The following TBC1D32 variants were observed in gnomAD, a reference collection of about 807,000 sequenced individuals.
The protein encoded by TBC1D32 is TBC1 domain family member 32, also known as protein broad-minded.
A neutral mutation model predicts 170.3 loss-of-function variants in TBC1D32; 151 were observed. That is an observed-to-expected ratio of 0.89 (90% CI 0.78 to 1.01). The LOEUF (loss-of-function observed/expected upper bound fraction) is 1.01, where lower values mean the gene tolerates loss of function less well. Among genes scored for constraint, TBC1D32 ranks in the 50% least tolerant of loss-of-function variants. The pLI, the probability that TBC1D32 is intolerant of heterozygous loss-of-function variation, is 0.00. For missense variants in TBC1D32, 1,464 were observed against 1,457.1 expected (o/e 1.00, Z -0.08); for synonymous variants, 498 against 488.0 (o/e 1.02, Z -0.27).
rs757650575 is a variant in TBC1D32, at chr6:121,161,013, G to A, written c.2614C>T (p.Leu872Phe). ...CCACCAACAAGATTTATTCTAACAA[G>A]AACATGATTTCTCTCCACTGATAAG... The part of the protein sequence containing the change: ...DGLSVERNHV[L>F]VRINLVGGPL... The change falls in exon 23 of 32, where the codon CTT (leucine) becomes TTT (phenylalanine). Residue 872 changes from leucine (L) to phenylalanine (F), a missense_variant. Around this residue, in one of 3 missense-constraint regions of TBC1D32, gnomAD observed 1,363 missense variants for 1,338.1 expected, o/e 1.02. Coordinates refer to ENST00000398212, the MANE Select transcript of TBC1D32 (RefSeq NM_152730.6). The A allele has an allele frequency of 6.2e-7, 1 of 1,613,276 alleles. No homozygotes were observed. Among genetic ancestry groups the A allele is most frequent in the Non-Finnish European group, 8.5e-7 (1 of 1,179,742 alleles).
At chr6:121,203,381 T>A (rs907842723) in intron 22 of TBC1D32, among the ~76,000 whole-genome samples, 3 of 151,402 alleles carry the variant, frequency 2.0e-5, no homozygotes, top group Non-Finnish European at 4.4e-5. Context: ...AGTAATTTTG[T>A]CATTTTCTCT....
chr6:121,147,661 G>A (rs1206223878), intron 24 of TBC1D32, among the ~76,000 whole-genome samples: 4 of 151,780 alleles, frequency 2.6e-5, no homozygotes, highest in South Asian at 2.1e-4. Context: ...GTGCAATCTC[G>A]GCTCACTGCA....
rs1238423089 is a variant in TBC1D32, at chr6:121,321,686, G to T, written c.264C>A (p.Cys88Ter). ...CTSDRNQGEE[C>*]GYDTVVQQVT... ...CCTGCTGTACAACTGTATCATAGCC[G>T]CATTCTTCACCCTGATTCCGATCAG... Residue 88 changes from cysteine (C) to a stop codon, truncating the protein, a stop_gained, in exon 2 of 32, where the codon TGC becomes TGA. Coordinates refer to ENST00000398212, the MANE Select transcript of TBC1D32 (RefSeq NM_152730.6). LOFTEE classifies it high-confidence loss of function. 4 of 1,613,610 alleles carry T rather than the reference G, an allele frequency of 2.5e-6. No individual in the cohort carries two copies. The highest frequency in any genetic ancestry group is 2.2e-5 in the South Asian group (2 of 91,008).
chr6:121,145,488 T>A (rs1428141944), intron 24 of TBC1D32, among the ~76,000 whole-genome samples: 1 of 152,134 alleles, frequency 6.6e-6, no homozygotes, highest in Non-Finnish European at 1.5e-5. Context: ...GATGGTCCAA[T>A]GATACAAAAT....
At chr6:121,262,150 G>A (rs1799846574) in intron 15 of TBC1D32, among the ~76,000 whole-genome samples, 1 of 152,176 alleles carries the variant, frequency 6.6e-6, no homozygotes, top group Non-Finnish European at 1.5e-5. Context: ...ACCTATGACT[G>A]ATTGGAGTAC....
At chr6:121,299,077 T>A (rs531372496) in intron 10 of TBC1D32, among the ~76,000 whole-genome samples, 133 of 152,248 alleles carry the variant, frequency 8.7e-4, no homozygotes, top group African/African-American at 2.9e-3. Context: ...AGTTTTTCCA[T>A]GTAATTTTCA....
chr6:121,131,705 G>C lies in TBC1D32; in HGVS notation c.2821C>G (p.Gln941Glu). ...TGGCAGTTTTCTATCCATTCAGTTT[G>C]TTTATCAGATATTTTGAGGCATAAT... ...LLLCLKISDK[Q>E]TEWIENCQRQ... The change falls in exon 25 of 32, where the codon CAA becomes GAA. Residue 941 changes from glutamine (Q) to glutamate (E), a missense_variant. By Grantham distance (29) the Gln-to-Glu change is conservative. Transcript: ENST00000398212. 6.2e-7 allele frequency: 1 copy of C among 1,608,946 alleles called. No individual in the cohort carries two copies. The highest frequency in any genetic ancestry group is 8.5e-7 in the Non-Finnish European group (1 of 1,176,864).
intron 21 of TBC1D32, among the ~76,000 whole-genome samples, chr6:121,207,718 A>G (rs1271361375): frequency 6.6e-6 from 1 of 152,226 alleles, no homozygotes; most frequent in Non-Finnish European, 1.5e-5. Flanking sequence ...TATATTTTTA[A>G]AAGATACTGT....
At chr6:121,153,890 G>A (rs1784512283) in intron 24 of TBC1D32, among the ~76,000 whole-genome samples, 1 of 152,132 alleles carries the variant, frequency 6.6e-6, no homozygotes, top group Non-Finnish European at 1.5e-5. Context: ...TGTACTGTCA[G>A]TGAGAATTTC....
chr6:121,268,042 G>A (rs573093723), intron 15 of TBC1D32, among the ~76,000 whole-genome samples: 22 of 152,236 alleles, frequency 1.4e-4, no homozygotes, highest in African/African-American at 5.1e-4. Flanking sequence ...GCACCGGAGG[G>A]TCCTACTGTT....
chr6:121,180,604 T>C (rs1253068701), intron 22 of TBC1D32, among the ~76,000 whole-genome samples: 1 of 152,070 alleles, frequency 6.6e-6, no homozygotes, highest in Non-Finnish European at 1.5e-5. Flanking sequence ...AAGACCTAAA[T>C]GTAAAACCTG....
intron 30 of TBC1D32, among the ~76,000 whole-genome samples, chr6:121,097,011 T>C (rs1048498496): frequency 6.6e-6 from 1 of 152,190 alleles, no homozygotes; most frequent in African/African-American, 2.4e-5. Flanking sequence ...AAACTGAAAC[T>C]GGACCCCTTC....
At chr6:121,235,651 C>T (rs547058730) in intron 20 of TBC1D32, among the ~76,000 whole-genome samples, 34 of 152,312 alleles carry the variant, frequency 2.2e-4, no homozygotes, top group African/African-American at 7.2e-4. Flanking sequence ...GTGATCAGGG[C>T]GGAGAACTTG....
rs113454022 is a variant in TBC1D32, at chr6:121,196,637, G to A, written c.2570+8438C>T. ...TTTACGGCTAAAGAAGCAGGGCAGT[G>A]GCTTATGCTCATGAAATTCACTGGT... On this transcript the variant is annotated intron_variant, in intron 22 of 31. Coordinates refer to ENST00000398212, the MANE Select transcript of TBC1D32 (RefSeq NM_152730.6). Among the ~76,000 whole-genome samples the A allele has an allele frequency of 3.1e-3, 472 of 152,280 alleles. 4 individuals carry two copies. Among genetic ancestry groups the A allele is most frequent in the African/African-American group, 0.011 (457 of 41,550 alleles).
intron 25 of TBC1D32, among the ~76,000 whole-genome samples, 199 bp from the exon 26 acceptor site, chr6:121,126,660 G>A (rs2128212748): frequency 1.3e-5 from 2 of 151,914 alleles, no homozygotes; most frequent in Non-Finnish European, 2.9e-5. Flanking sequence ...GCTTAGCTAA[G>A]AACCTAGTCA....
chr6:121,142,372 T>C (rs889391142), intron 24 of TBC1D32, among the ~76,000 whole-genome samples: 1 of 152,188 alleles, frequency 6.6e-6, no homozygotes, highest in African/African-American at 2.4e-5. Flanking sequence ...TAGAAACATA[T>C]AAAAAATGAC....
chr6:121,085,590 T>C (rs901070745), intron 31 of TBC1D32, among the ~76,000 whole-genome samples: 8 of 151,630 alleles, frequency 5.3e-5, no homozygotes, highest in Admixed American at 5.3e-4. Context: ...ATTTTAAAGG[T>C]TTTCAAGCTA....
At chr6:121,283,753 C>A in intron 13 of TBC1D32, 65 bp downstream of exon 13, 1 of 1,255,104 alleles carries the variant, frequency 8.0e-7, no homozygotes, top group South Asian at 1.3e-5. Context: ...AACATCTAGA[C>A]AATAGAATAC....
chr6:121,248,501 T>C (rs1217544048), intron 17 of TBC1D32, among the ~76,000 whole-genome samples: 1 of 149,994 alleles, frequency 6.7e-6, no homozygotes, highest in African/African-American at 2.4e-5. Context: ...AAGAAAAAAA[T>C]ACAAAAGATA....
Sources: gnomAD v4.1 joint callset for allele counts (sites outside exome capture counted in the v4.1 genomes callset) on GRCh38, gnomAD v4.1.1 for gene constraint, gnomAD v4.1.1 regional missense constraint, MANE v1.5 for transcripts, NCBI Gene and HGNC (gene_info 2026-07-23, HGNC 2026-07-21) for gene names.